Variants in ADGRL1 observed in about 807,000 individuals in gnomAD.
The protein encoded by ADGRL1 is adhesion G protein-coupled receptor L1, also known as CIRL-1.
Under a neutral mutation model 148.9 loss-of-function variants are expected in ADGRL1, and 31 were observed. The observed-to-expected ratio is 0.21, with a 90% confidence interval of 0.16 to 0.28. The LOEUF is 0.28. Among genes scored for constraint, ADGRL1 ranks in the 10% least tolerant of loss-of-function variants. The probability of loss-of-function intolerance (pLI) is 1.00; values close to 1 mark genes in which losing one functional copy is unlikely to be tolerated. For missense variants in ADGRL1, 1,521 were observed against 2,058.8 expected (o/e 0.74, Z 5.05); for synonymous variants, 937 against 900.3 (o/e 1.04, Z -0.73).
intron 1 of ADGRL1, among the ~76,000 whole-genome samples, chr19:14,184,260 G>A (rs1167738218): frequency 5.3e-5 from 8 of 152,230 alleles, no homozygotes; most frequent in East Asian, 3.9e-4. Context: ...CTCTCTGGGG[G>A]ACCTTCAGGG....
chr19:14,192,536 C>T (rs1362935043), intron 1 of ADGRL1, among the ~76,000 whole-genome samples: 8 of 149,934 alleles, frequency 5.3e-5, no homozygotes, highest in African/African-American at 2.0e-4. Flanking sequence ...CCACTGCTCC[C>T]GGCCTTTTCT....
chr19:14,174,309 A>G lies in ADGRL1; in HGVS notation c.284+3222T>C, dbSNP rs570649450. 2.6e-5 allele frequency among the ~76,000 whole-genome samples: 4 copies of G among 152,300 alleles called. No individual in the cohort carries two copies. The South Asian group carries it at 6.2e-4, about 24-fold the overall frequency. On this transcript the variant is annotated intron_variant, in intron 3 of 22. Coordinates refer to ENST00000361434, the MANE Select transcript of ADGRL1 (RefSeq NM_014921.5). ...GAGCCTGGACTGGGAATGCCTATGC[A>G]GGGCACCCTCGGCAGGGGTGTCAGG... is the stretch of plus-strand genomic sequence containing the variant.
Position 14,158,488 on chromosome 19 carries a change from G to A in ADGRL1, c.2214C>T (p.Ala738=), listed in dbSNP as rs371405043. 1.9e-6 allele frequency: 3 copies of A among 1,613,932 alleles called. No homozygotes were observed. Among genetic ancestry groups the A allele is most frequent in the Non-Finnish European group, 2.5e-6 (3 of 1,180,036 alleles). ...CTGCTTCGCCGGCCAGCTTCACTGT[G>A]GCATTCTCCGTGGACAGGAAGAGGC... ...NLGLFLSTEN[A]TVKLAGEAGP... is the part of the protein sequence containing the mutation. Residue 738 remains alanine, a synonymous_variant, in exon 12 of 23, where the codon GCC becomes GCT. Coordinates refer to ENST00000361434, the MANE Select transcript of ADGRL1 (RefSeq NM_014921.5).
chr19:14,177,794 G>T, intron 2 of ADGRL1, 50 bp from the exon 3 acceptor site: 1 of 1,538,270 alleles, frequency 6.5e-7, no homozygotes, highest in Non-Finnish European at 8.9e-7. Context: ...GGCCAGGAAG[G>T]GAAGACCCTA....
At chr19:14,163,465 G>GGAGAGGGAGA (rs1555785180) in intron 4 of ADGRL1, 59 bp from the exon 5 acceptor site, 37 of 702,278 alleles carry the variant, frequency 5.3e-5, no homozygotes, top group Non-Finnish European at 7.8e-5. Context: ...GCGAGAGGGA[G>GGAGAGGGAGA]GAGAGAGAGA....
chr19:14,168,040 G>A (rs560003945), intron 4 of ADGRL1, among the ~76,000 whole-genome samples: 20 of 152,238 alleles, frequency 1.3e-4, no homozygotes, highest in Admixed American at 5.9e-4. Flanking sequence ...CACATCACGT[G>A]CCCCCTGCCA....
rs75029781 is a variant in ADGRL1 at position 14,151,505 on chromosome 19, C to T, written c.3778G>A (p.Gly1260Ser). 3 of 1,610,890 alleles carry T rather than the reference C, an allele frequency of 1.9e-6. No homozygotes were observed. The highest frequency in any genetic ancestry group is 1.1e-5 in the South Asian group (1 of 90,680). ...RSGDFPPGDGGPEPPRGRNLA... is the reference protein window; with the variant it reads ...RSGDFPPGDGSPEPPRGRNLA... ...TTCCGGCCTCGGGGCGGCTCAGGGC[C>T]CCCATCCCCGGGAGGGAAATCCCCA... Residue 1260 changes from glycine to serine, a missense_variant, in exon 23 of 23, where the codon GGC becomes AGC. Gly to Ser is a moderately conservative substitution (Grantham distance 56, BLOSUM62 0). Around this residue, in one of 8 missense-constraint regions of ADGRL1, gnomAD observed 390 missense variants for 375.0 expected, o/e 1.04. Transcript: ENST00000361434.
intron 4 of ADGRL1, chr19:14,166,909 G>T: frequency 8.4e-7 from 1 of 1,189,286 alleles, no homozygotes; most frequent in Non-Finnish European, 1.3e-6. Flanking sequence ...CGGACCAAGT[G>T]TGGGTTGGGG....
At chr19:14,188,837 A>G (rs150510000) in intron 1 of ADGRL1, among the ~76,000 whole-genome samples, 2,280 of 152,092 alleles carry the variant, frequency 0.015, 60 homozygotes, top group African/African-American at 0.052. Context: ...GCAGTGGCAC[A>G]ATCTTGGCTC....
At chr19:14,204,471 G>A (rs1164616886) in intron 1 of ADGRL1, among the ~76,000 whole-genome samples, 1 of 152,058 alleles carries the variant, frequency 6.6e-6, no homozygotes. Context: ...GGGTGAAGGA[G>A]TGGGGTCTGG....
At chr19:14,172,557 T>C (rs1344523129) in intron 3 of ADGRL1, among the ~76,000 whole-genome samples, 1 of 151,772 alleles carries the variant, frequency 6.6e-6, no homozygotes, top group Admixed American at 6.6e-5. Flanking sequence ...CTGGCCAACA[T>C]GGTAAAACCC....
In ADGRL1 at chr19:14,159,873, A is replaced by G; in HGVS notation, c.1801-100T>C. The G allele has an allele frequency of 8.6e-7, 1 of 1,167,282 alleles. No individual in the cohort carries two copies. The highest frequency in any genetic ancestry group is 1.3e-6 in the Non-Finnish European group (1 of 778,406). 72.3% of individuals were successfully genotyped at this position (1,167,282 alleles called of 1,614,324 possible). On this transcript the variant is annotated intron_variant, in intron 8 of 22. Transcript: ENST00000361434. The surrounding 1 kb of genome is among the most constrained non-coding windows in gnomAD (Gnocchi z 6.0). Reference sequence around the variant, plus strand: ...GATAGCTCTCTCGTCTGCGGTTACCACTGACCCAGGGCTGGGCTATCAGCA... The same window carrying G: ...GATAGCTCTCTCGTCTGCGGTTACCGCTGACCCAGGGCTGGGCTATCAGCA...
intron 16 of ADGRL1, 98 bp from the exon 17 acceptor site, chr19:14,156,299 GCCCT>G: frequency 1.0e-6 from 1 of 958,352 alleles, no homozygotes; most frequent in Non-Finnish European, 1.6e-6. Context: ...CTCAGCTGTG[GCCCT>G]CGCCTCTGCT....
At chr19:14,191,065 C>A (rs546002055) in intron 1 of ADGRL1, 3 of 446,534 alleles carry the variant, frequency 6.7e-6, no homozygotes, top group Non-Finnish European at 1.4e-5. Flanking sequence ...CTAGCCTGGC[C>A]GACAGAGCAA....
intron 3 of ADGRL1, among the ~76,000 whole-genome samples, chr19:14,173,295 C>T (rs1568603546): frequency 6.6e-6 from 1 of 152,078 alleles, no homozygotes; most frequent in Non-Finnish European, 1.5e-5. Flanking sequence ...CAGGGTCTTA[C>T]TCTATTGCCC....
In ADGRL1 at chr19:14,160,788, G is replaced by A. The variant is rs945888227; in HGVS notation, c.1511-92C>T. 1.3e-6 allele frequency: 1 copy of A among 768,106 alleles called. No individual in the cohort carries two copies. Among genetic ancestry groups the A allele is most frequent in the Admixed American group, 2.0e-5 (1 of 50,152 alleles). 47.6% of individuals were successfully genotyped at this position (768,106 alleles called of 1,614,324 possible). A position where few individuals can be genotyped will look rare whatever the true frequency, so the allele number is the denominator to read the frequency against. On this transcript the variant is annotated intron_variant, in intron 6 of 22. Coordinates refer to ENST00000361434, the MANE Select transcript of ADGRL1 (RefSeq NM_014921.5). This position sits in a 1 kb window ranked among gnomAD's most constrained non-coding sequence, Gnocchi z 5.9. The stretch of plus-strand genomic sequence containing the variant: ...AGGGGGAAAGGAGATGACAGAGAGT[G>A]GGGGACGAGCGGGCGAAGAGGGAGG...
chr19:14,197,232 A>G (rs1296403619), intron 1 of ADGRL1, among the ~76,000 whole-genome samples: 1 of 152,114 alleles, frequency 6.6e-6, no homozygotes, highest in Non-Finnish European at 1.5e-5. Context: ...TGATCATGCC[A>G]CTGCACTCCA....
rs766413279 is a variant in ADGRL1 at position 14,152,618 on chromosome 19, G to A, written c.3424-5C>T. 1.5e-5 allele frequency: 24 copies of A among 1,613,492 alleles called. No homozygotes were observed. Among genetic ancestry groups the A allele is most frequent in the Non-Finnish European group, 1.9e-5 (23 of 1,179,730 alleles). ...CCACATCCTCCGAATTCGGCTCTGG[G>A]AACACAACCCAAATGTGAGGGGATC... On this transcript the variant is annotated splice_region_variant and splice_polypyrimidine_tract_variant and intron_variant, in intron 19 of 22. Transcript: ENST00000361434. This position sits in a 1 kb window ranked among gnomAD's most constrained non-coding sequence, Gnocchi z 6.1.
rs911419504 is a variant in ADGRL1 at position 14,162,542 on chromosome 19, G to A, written c.1195+64C>T. ...GGGGCTCCCCACTCTGGGACCCAGG[G>A]GTGGGTGGGGGTGGAGGGGACAAAG... On this transcript the variant is annotated intron_variant, in intron 5 of 22. Transcript: ENST00000361434. The surrounding 1 kb of genome is among the most constrained non-coding windows in gnomAD (Gnocchi z 5.4). 1 of 1,430,890 alleles carries A rather than the reference G, an allele frequency of 7.0e-7. No homozygotes were observed. Among genetic ancestry groups the A allele is most frequent in the Admixed American group, 1.8e-5 (1 of 55,820 alleles). 88.6% of individuals were successfully genotyped at this position (1,430,890 alleles called of 1,614,324 possible).
Sources: allele counts gnomAD v4.1 joint callset (sites outside exome capture counted in the v4.1 genomes callset), GRCh38; gene constraint gnomAD v4.1.1; regional missense constraint gnomAD v4.1.1; non-coding constraint Gnocchi (gnomAD v3.1); transcripts MANE v1.5; gene names NCBI Gene and HGNC (gene_info 2026-07-23, HGNC 2026-07-21).